Variants in PCDHAC1 observed in about 807,000 individuals in gnomAD.
PCDHAC1 encodes protocadherin alpha-C1.
PCDHAC1 carries 42 observed loss-of-function variants against 60.0 expected under a neutral mutation model. The observed-to-expected ratio is 0.70, with a 90% CI of 0.55 to 0.90. The LOEUF is 0.90. Among genes scored for constraint, PCDHAC1 ranks in the 40% least tolerant of loss-of-function variants. The probability of loss-of-function intolerance (pLI) is 0.00; values close to 1 mark genes in which losing one functional copy is unlikely to be tolerated. For missense variants in PCDHAC1, 1,160 were observed against 1,222.3 expected (o/e 0.95, Z 0.76); for synonymous variants, 468 against 499.3 (o/e 0.94, Z 0.84).
At chr5:140,985,938 A>G (rs960910585) in intron 3 of PCDHAC1, among the ~76,000 whole-genome samples, 8 of 151,748 alleles carry the variant, frequency 5.3e-5, no homozygotes, top group Non-Finnish European at 8.8e-5. Context: ...CCGGGGTTTC[A>G]CTGTGTTAGC....
Position 140,928,669 on chromosome 5 carries a change from A to C in PCDHAC1, c.1777A>C (p.Asn593His). 1 of 1,614,160 alleles carries C rather than the reference A, an allele frequency of 6.2e-7. No individual in the cohort carries two copies. Among genetic ancestry groups the C allele is most frequent in the Non-Finnish European group, 8.5e-7 (1 of 1,180,034 alleles). Residue 593 changes from asparagine (N) to histidine (H), a missense_variant, in exon 1 of 4, where the codon AAT becomes CAT. Physicochemically the swap from Asn to His is moderately conservative, Grantham distance 68. This residue lies in a region of PCDHAC1 where 1,113 missense variants were observed against 1,163.7 expected (regional missense o/e 0.96). Coordinates refer to ENST00000253807, the MANE Select transcript of PCDHAC1 (RefSeq NM_018898.5). ...VVAEDADSGS[N>H]AWLSYHISRA... ...AGCAGAGGATGCTGACAGTGGTTCT[A>C]ATGCCTGGCTTTCCTACCACATCTC...
intron 1 of PCDHAC1, among the ~76,000 whole-genome samples, chr5:140,932,798 T>C (rs2153613163): frequency 6.6e-6 from 1 of 151,958 alleles, no homozygotes; most frequent in Middle Eastern, 3.4e-3. Flanking sequence ...AGAAAAGCAA[T>C]ACCTTGGAAA....
chr5:140,996,918 A>T lies in PCDHAC1; in HGVS notation c.2582-12709A>T, dbSNP rs10036183. On this transcript the variant is annotated intron_variant, in intron 3 of 3. Transcript: ENST00000253807. ...GAATTACATTGTTGAAGTAAATATT[A>T]AAAAATATAGCATTTTTGCATAGAA... Among the ~76,000 whole-genome samples, 492 of 152,328 alleles carry T rather than the reference A, an allele frequency of 3.2e-3. 4 individuals are homozygous for T. Among genetic ancestry groups the T allele is most frequent in the African/African-American group, 0.011 (464 of 41,562 alleles).
chr5:140,966,860 T>A, intron 1 of PCDHAC1: 1 of 1,577,482 alleles, frequency 6.3e-7, no homozygotes, highest in Middle Eastern at 1.7e-4. Flanking sequence ...CCTGCTGCTG[T>A]TGCTGCTGCT....
Position 140,965,232 on chromosome 5 carries a change from G to T in PCDHAC1, c.2434-13717G>T, listed in dbSNP as rs192008157. ...TCCTGTGGAAGAAATGTGAGAACCT[G>T]GGAAGAGTGAATATTCAGAACTGAG... On this transcript the variant is annotated intron_variant, in intron 1 of 3. Coordinates refer to ENST00000253807, the MANE Select transcript of PCDHAC1 (RefSeq NM_018898.5). Among the ~76,000 whole-genome samples, 4 of 152,312 alleles carry T rather than the reference G, an allele frequency of 2.6e-5. No individual in the cohort carries two copies. In the East Asian group the frequency reaches 7.7e-4, roughly 29 times the overall value.
chr5:140,981,144 A>G (rs1245688386), intron 2 of PCDHAC1, among the ~76,000 whole-genome samples: 1 of 152,238 alleles, frequency 6.6e-6, no homozygotes, highest in African/African-American at 2.4e-5. Flanking sequence ...GAGTGAGAAA[A>G]CATTGAACTT....
At chr5:141,003,094 A>G (rs2098111645) in intron 3 of PCDHAC1, among the ~76,000 whole-genome samples, 1 of 152,230 alleles carries the variant, frequency 6.6e-6, no homozygotes, top group African/African-American at 2.4e-5. Flanking sequence ...CAGGCCTGGC[A>G]TTTGCTTCAC....
In PCDHAC1 at chr5:141,010,283, C is replaced by T. The variant is rs1554262872; in HGVS notation, c.*346C>T. ...TGCTCCGGGGATCCTGTCTTGATGACACTTGCAGGGCAGGCTGAAAAGTTT... is the reference window on the plus strand; with the variant it reads ...TGCTCCGGGGATCCTGTCTTGATGATACTTGCAGGGCAGGCTGAAAAGTTT... On this transcript the variant is annotated 3_prime_UTR_variant, in exon 4 of 4. Transcript: ENST00000253807. 6.4e-7 allele frequency: 1 copy of T among 1,551,220 alleles called. No individual in the cohort carries two copies. The highest frequency in any genetic ancestry group is 1.4e-5 in the African/African-American group (1 of 73,110).
At chr5:140,967,784 C>G in intron 1 of PCDHAC1, 1 of 1,614,174 alleles carries the variant, frequency 6.2e-7, no homozygotes, top group Non-Finnish European at 8.5e-7. Flanking sequence ...GGCGACTGAC[C>G]GGGGTCCAGT....
intron 1 of PCDHAC1, among the ~76,000 whole-genome samples, chr5:140,947,307 T>C (rs1329729103): frequency 6.6e-6 from 1 of 151,660 alleles, no homozygotes; most frequent in African/African-American, 2.4e-5. Context: ...GACATCTTTG[T>C]AAAAAGTCGG....
At chr5:140,946,044 A>G (rs1435633416) in intron 1 of PCDHAC1, among the ~76,000 whole-genome samples, 1 of 152,160 alleles carries the variant, frequency 6.6e-6, no homozygotes, top group East Asian at 1.9e-4. Flanking sequence ...TGAAGGGACA[A>G]TCCACAGAAT....
At chr5:141,001,333 T>G (rs1554258097) in intron 3 of PCDHAC1, among the ~76,000 whole-genome samples, 1 of 152,178 alleles carries the variant, frequency 6.6e-6, no homozygotes, top group African/African-American at 2.4e-5. Context: ...TCACCATAAT[T>G]TACATGATGT....
intron 1 of PCDHAC1, among the ~76,000 whole-genome samples, chr5:140,965,185 C>T (rs1348990210): frequency 6.6e-6 from 1 of 152,138 alleles, no homozygotes; most frequent in Non-Finnish European, 1.5e-5. Flanking sequence ...TTTTTTTGCA[C>T]ATGAGGCAAT....
At chr5:140,979,564 A>G (rs1267870261) in intron 2 of PCDHAC1, among the ~76,000 whole-genome samples, 2 of 152,222 alleles carry the variant, frequency 1.3e-5, no homozygotes, top group Non-Finnish European at 2.9e-5. Context: ...AAGATGAGCC[A>G]TGTAAAGGGC....
chr5:140,955,284 T>C (rs1207930664), intron 1 of PCDHAC1, among the ~76,000 whole-genome samples: 1 of 152,170 alleles, frequency 6.6e-6, no homozygotes, highest in African/African-American at 2.4e-5. Context: ...CATATTGATA[T>C]GGTTTGGCTG....
intron 1 of PCDHAC1, among the ~76,000 whole-genome samples, chr5:140,950,995 C>T (rs1554219713): frequency 6.6e-6 from 1 of 151,856 alleles, no homozygotes; most frequent in Non-Finnish European, 1.5e-5. Flanking sequence ...TCTTTTAGCT[C>T]CATTTTTCCC....
rs782296182 is a variant in PCDHAC1 at position 140,926,967 on chromosome 5, A to G, written c.75A>G (p.Ser25=). 2.5e-6 allele frequency: 4 copies of G among 1,606,666 alleles called. No homozygotes were observed. Among genetic ancestry groups the G allele is most frequent in the Middle Eastern group, 1.7e-4 (1 of 6,048 alleles). The change falls in exon 1 of 4, where the codon TCA becomes TCG. Residue 25 remains serine, a synonymous_variant. Coordinates refer to ENST00000253807, the MANE Select transcript of PCDHAC1 (RefSeq NM_018898.5). ...CTGCAGCGGGACAGCTCGAGTACTC[A>G]GTGCCGGAGGAGACGGAGCGGGGCG... ...CGAAAGQLEY[S]VPEETERGVA... is the part of the protein sequence containing the mutation.
At chr5:140,966,655 G>C in intron 1 of PCDHAC1, 1 of 1,195,250 alleles carries the variant, frequency 8.4e-7, no homozygotes, top group South Asian at 2.0e-5. Context: ...CGTGAGCGGT[G>C]GGGGAGCAGG....
chr5:141,010,105 G>A lies in PCDHAC1; in HGVS notation c.*168G>A. 6.2e-7 allele frequency: 1 copy of A among 1,612,150 alleles called. No homozygotes were observed. Among genetic ancestry groups the A allele is most frequent in the African/African-American group, 1.3e-5 (1 of 74,962 alleles). The stretch of plus-strand genomic sequence containing the variant: ...GTCTAGAACGCATTTAACAGGTTTT[G>A]TCGTAAAAGCTTTACTAAGTCTGGT... On this transcript the variant is annotated 3_prime_UTR_variant, in exon 4 of 4. Transcript: ENST00000253807.
Sources: gnomAD v4.1 joint callset for allele counts (sites outside exome capture counted in the v4.1 genomes callset) on GRCh38, gnomAD v4.1.1 for gene constraint, gnomAD v4.1.1 regional missense constraint, MANE v1.5 for transcripts, NCBI Gene and HGNC (gene_info 2026-07-23, HGNC 2026-07-21) for gene names.